NALF1: variants seen among roughly 807,000 people sequenced by gnomAD.
NALF1 encodes family with sequence similarity 155 member A.
Under a neutral mutation model 48.4 loss-of-function variants are expected in NALF1, and 3 were observed. That is an observed-to-expected ratio of 0.06 (90% confidence interval 0.03 to 0.16). NALF1 has a LOEUF of 0.16. Ranked by LOEUF, NALF1 falls within the 10% of genes least tolerant of loss-of-function variation. The pLI, the probability that NALF1 is intolerant of heterozygous loss-of-function variation, is 1.00. For synonymous variants in NALF1, 262 were observed against 245.7 expected (o/e 1.07, Z -0.62); for missense variants, 526 against 571.5 (o/e 0.92, Z 0.81).
chr13:107,821,681 T>A (rs1177481197), intron 1 of NALF1, among the ~76,000 whole-genome samples: 1 of 152,170 alleles, frequency 6.6e-6, no homozygotes, highest in Non-Finnish European at 1.5e-5. Flanking sequence ...CTAAATGCAA[T>A]GTGGTACTCT....
chr13:107,408,076 G>A (rs1459223241), intron 1 of NALF1, among the ~76,000 whole-genome samples: 2 of 151,978 alleles, frequency 1.3e-5, no homozygotes, highest in Non-Finnish European at 2.9e-5. Flanking sequence ...AACTCATGGA[G>A]ATAGACGGTA....
intron 1 of NALF1, among the ~76,000 whole-genome samples, chr13:107,338,315 G>T (rs531948559): frequency 1.3e-5 from 2 of 152,260 alleles, no homozygotes; most frequent in African/African-American, 4.8e-5. Flanking sequence ...GCCTGGGTAG[G>T]GAGCTGGAAT....
At chr13:107,414,157 A>C (rs1387014661) in intron 1 of NALF1, among the ~76,000 whole-genome samples, 1 of 152,164 alleles carries the variant, frequency 6.6e-6, no homozygotes, top group African/African-American at 2.4e-5. Context: ...TATTATTATA[A>C]GCATATAATC....
At chr13:107,556,012 C>T (rs1473402411) in intron 1 of NALF1, among the ~76,000 whole-genome samples, 1 of 151,874 alleles carries the variant, frequency 6.6e-6, no homozygotes, top group Non-Finnish European at 1.5e-5. Context: ...TTCTCATATT[C>T]TAAATCAATA....
chr13:107,738,449 C>T (rs562025022), intron 1 of NALF1, among the ~76,000 whole-genome samples: 116 of 152,260 alleles, frequency 7.6e-4, no homozygotes, highest in African/African-American at 2.6e-3. Flanking sequence ...AACCCATTTT[C>T]TCCCCGTTCC....
chr13:107,362,394 G>T lies in NALF1; in HGVS notation c.916-151639C>A, dbSNP rs547647710. On this transcript the variant is annotated intron_variant, in intron 1 of 2. Transcript: ENST00000375915. The surrounding 1 kb of genome is among the most constrained non-coding windows in gnomAD (Gnocchi z 4.6). ...GTGGTGTCAGGACCATGCTTCCTCT[G>T]AAACCTGTAGAGTAGCATCTTCGCT... is the stretch of plus-strand genomic sequence containing the variant. Among the ~76,000 whole-genome samples, 1 of 152,184 alleles carries T rather than the reference G, an allele frequency of 6.6e-6. No individual in the cohort carries two copies. The highest frequency in any genetic ancestry group is 2.4e-5 in the African/African-American group (1 of 41,436).
chr13:107,775,526 G>A (rs927974078), intron 1 of NALF1, among the ~76,000 whole-genome samples: 2 of 151,990 alleles, frequency 1.3e-5, no homozygotes, highest in Admixed American at 1.3e-4. Context: ...ACGTGTGCAT[G>A]TGTCCTTATA....
At position 107,246,760 on chromosome 13, in the gene NALF1, AT is replaced by A; in HGVS notation, c.916-36006del. ...ATTTGCTCTCAAATAAATATGCCAC[AT>A]TGAGGATTGTTTTTTATGATAAATT... On this transcript the variant is annotated intron_variant, in intron 1 of 2. Coordinates refer to ENST00000375915, the MANE Select transcript of NALF1 (RefSeq NM_001080396.3). Among the ~76,000 whole-genome samples the A allele has an allele frequency of 2.0e-5, 3 of 152,298 alleles. No homozygotes were observed. The East Asian group carries it at 5.8e-4, about 29-fold the overall frequency.
chr13:107,519,688 C>T (rs1303853013), intron 1 of NALF1, among the ~76,000 whole-genome samples: 2 of 152,166 alleles, frequency 1.3e-5, no homozygotes, highest in Non-Finnish European at 2.9e-5. Context: ...AATATCAAAA[C>T]ATTAAATGAA....
chr13:107,569,921 T>A (rs1229348029), intron 1 of NALF1, among the ~76,000 whole-genome samples: 1 of 152,150 alleles, frequency 6.6e-6, no homozygotes, highest in East Asian at 1.9e-4. Context: ...ATCATATAGA[T>A]CCTGTACATG....
At chr13:107,703,575 G>A (rs1262881838) in intron 1 of NALF1, among the ~76,000 whole-genome samples, 1 of 151,938 alleles carries the variant, frequency 6.6e-6, no homozygotes, top group Non-Finnish European at 1.5e-5. Context: ...GACTGGTCTC[G>A]AACTCCTGAA....
chr13:107,232,549 C>T (rs565040034), intron 1 of NALF1, among the ~76,000 whole-genome samples: 1 of 152,272 alleles, frequency 6.6e-6, no homozygotes, highest in Admixed American at 6.5e-5. Context: ...TAAGAACTGT[C>T]ACAAAGGAGC....
intron 1 of NALF1, among the ~76,000 whole-genome samples, chr13:107,386,291 C>T (rs548379244): frequency 1.4e-4 from 22 of 152,160 alleles, no homozygotes; most frequent in Non-Finnish European, 2.6e-4. Flanking sequence ...AAGGCAACCC[C>T]ACCCCCTCTT....
chr13:107,797,403 G>T lies in NALF1; in HGVS notation c.915+68279C>A, dbSNP rs202212349. Among the ~76,000 whole-genome samples, 8 of 152,142 alleles carry T rather than the reference G, an allele frequency of 5.3e-5. No individual in the cohort carries two copies. In the East Asian group the frequency reaches 1.5e-3, roughly 29 times the overall value. The stretch of plus-strand genomic sequence containing the variant: ...TTTTCGTATTTTTAGTAGAGAGGGG[G>T]TTTCACCGTGTTGGCCAGGATGGTC... On this transcript the variant is annotated intron_variant, in intron 1 of 2. Transcript: ENST00000375915.
chr13:107,318,116 G>T (rs1347266815), intron 1 of NALF1, among the ~76,000 whole-genome samples: 2 of 151,924 alleles, frequency 1.3e-5, no homozygotes, highest in Admixed American at 6.6e-5. Flanking sequence ...AAAAAGCAAA[G>T]GAAGCAAATA....
rs1879832136 is a variant in NALF1, at chr13:107,631,438, C to G, written c.915+234244G>C. 1.3e-5 allele frequency among the ~76,000 whole-genome samples: 2 copies of G among 152,068 alleles called. 1 individual carries two copies. Among genetic ancestry groups the G allele is most frequent in the Non-Finnish European group, 2.9e-5 (2 of 68,020 alleles). On this transcript the variant is annotated intron_variant, in intron 1 of 2. Transcript: ENST00000375915. ...AAATGGGGAAAATTATCTTTTATGA[C>G]AGCAGCTAAATGATCACCTTAGTTT...
intron 1 of NALF1, among the ~76,000 whole-genome samples, chr13:107,706,185 A>C (rs1250304909): frequency 1.3e-5 from 2 of 152,182 alleles, no homozygotes; most frequent in African/African-American, 4.8e-5. Context: ...AAACAATAGG[A>C]GTCAATCTTC....
At chr13:107,535,050 G>C (rs1445596260) in intron 1 of NALF1, among the ~76,000 whole-genome samples, 1 of 152,136 alleles carries the variant, frequency 6.6e-6, no homozygotes, top group Non-Finnish European at 1.5e-5. Context: ...CTGAGACTTT[G>C]CTGAAGTTGC....
At chr13:107,429,615 T>C (rs1884341036) in intron 1 of NALF1, among the ~76,000 whole-genome samples, 1 of 152,216 alleles carries the variant, frequency 6.6e-6, no homozygotes, top group Non-Finnish European at 1.5e-5. Flanking sequence ...TGGTGGGCAC[T>C]GAACTCTTGC....
Sources: allele counts gnomAD v4.1 joint callset (sites outside exome capture counted in the v4.1 genomes callset), GRCh38; gene constraint gnomAD v4.1.1; non-coding constraint Gnocchi (gnomAD v3.1); transcripts MANE v1.5; gene names NCBI Gene and HGNC (gene_info 2026-07-23, HGNC 2026-07-21).